TLL2: variants seen among roughly 807,000 people sequenced by gnomAD.
TLL2 encodes the protein tolloid-like protein 2.
TLL2 carries 106 observed loss-of-function variants against 123.0 expected under a neutral mutation model. The observed-to-expected ratio is 0.86, with a 90% CI of 0.74 to 1.01. The LOEUF (loss-of-function observed/expected upper bound fraction) is 1.01. Among genes scored for constraint, TLL2 ranks in the 50% least tolerant of loss-of-function variants. The probability of loss-of-function intolerance (pLI) is 0.00; values close to 1 mark genes in which losing one functional copy is unlikely to be tolerated. For synonymous variants in TLL2, 494 were observed against 516.8 expected (o/e 0.96, Z 0.60); for missense variants, 1,332 against 1,336.7 (o/e 1.00, Z 0.06).
intron 2 of TLL2, among the ~76,000 whole-genome samples, chr10:96,473,099 C>T (rs1847201320): frequency 6.6e-6 from 1 of 152,072 alleles, no homozygotes; most frequent in South Asian, 2.1e-4. Context: ...TAATGTGTGC[C>T]ACTCAAAGTC....
intron 2 of TLL2, among the ~76,000 whole-genome samples, chr10:96,477,350 T>C (rs1042457182): frequency 1.4e-4 from 11 of 78,632 alleles, no homozygotes; most frequent in Admixed American, 3.5e-4. Flanking sequence ...ATTTTAATTT[T>C]AATTTTTTTT....
chr10:96,496,949 T>G (rs1847482410), intron 1 of TLL2, among the ~76,000 whole-genome samples: 1 of 152,116 alleles, frequency 6.6e-6, no homozygotes, highest in African/African-American at 2.4e-5. Context: ...GGGGGTTGCC[T>G]GTGCCACACA....
chr10:96,364,637 G>T lies in TLL2; in HGVS notation c.*3451C>A, dbSNP rs7073904. ...TCCACATTCTTTAATGAAACCATCCGTTCTAGGTAGAGACATATGTTAGGT... is the reference window on the plus strand; with the variant it reads ...TCCACATTCTTTAATGAAACCATCCTTTCTAGGTAGAGACATATGTTAGGT... On this transcript the variant is annotated 3_prime_UTR_variant, in exon 21 of 21. Coordinates refer to ENST00000357947, the MANE Select transcript of TLL2 (RefSeq NM_012465.4). The T allele has an allele frequency of 0.99, 150,713 of 152,788 alleles. 74,360 individuals carry two copies. Among genetic ancestry groups the T allele is most frequent in the Middle Eastern group, 1 (294 of 294 alleles). 9.5% of individuals were successfully genotyped at this position (152,788 alleles called of 1,614,324 possible).
chr10:96,494,392 G>A (rs1224504231), intron 1 of TLL2, among the ~76,000 whole-genome samples: 1 of 152,234 alleles, frequency 6.6e-6, no homozygotes, highest in Non-Finnish European at 1.5e-5. Context: ...CAGGCCCAGG[G>A]CAGCCCCCTG....
intron 1 of TLL2, among the ~76,000 whole-genome samples, chr10:96,512,016 C>T (rs1301560520): frequency 6.6e-6 from 1 of 152,210 alleles, no homozygotes; most frequent in Non-Finnish European, 1.5e-5. Context: ...GGCATGCTAC[C>T]TGCTGAGGTT....
intron 17 of TLL2, among the ~76,000 whole-genome samples, chr10:96,378,761 C>T (rs1250986920): frequency 6.6e-6 from 1 of 152,224 alleles, no homozygotes. Flanking sequence ...AAATAACAGC[C>T]TAGAGCACCT....
chr10:96,387,276 C>T (rs188154421), intron 13 of TLL2, among the ~76,000 whole-genome samples, 198 bp from the exon 14 acceptor site: 5 of 152,324 alleles, frequency 3.3e-5, no homozygotes, highest in African/African-American at 7.2e-5. Context: ...ACTGACAACA[C>T]GAGCAGGAAC....
At chr10:96,411,104 G>C (rs1846500830) in intron 8 of TLL2, among the ~76,000 whole-genome samples, 1 of 151,664 alleles carries the variant, frequency 6.6e-6, no homozygotes, top group African/African-American at 2.4e-5. Flanking sequence ...TAGCTGGGTG[G>C]TAGTGGCGTG....
chr10:96,368,658 C>T (rs924314149), intron 20 of TLL2, among the ~76,000 whole-genome samples: 2 of 152,184 alleles, frequency 1.3e-5, no homozygotes, highest in Non-Finnish European at 2.9e-5. Context: ...TCACCGAGCT[C>T]CAGGGTCACC....
chr10:96,386,958 C>A lies in TLL2; in HGVS notation c.1847G>T (p.Cys616Phe). 6.2e-7 allele frequency: 1 copy of A among 1,614,170 alleles called. No individual in the cohort carries two copies. The highest frequency in any genetic ancestry group is 1.1e-5 in the South Asian group (1 of 91,084). ...GYELAADKKM[C>F]EVACGGFITK... ...TTGGCAGGTCCCACACCAACCTTCACACATCTTCTTATCGGCGGCCAGCTC... is the reference window on the plus strand; with the variant it reads ...TTGGCAGGTCCCACACCAACCTTCAAACATCTTCTTATCGGCGGCCAGCTC... The change falls in exon 14 of 21, where the codon TGT becomes TTT. Residue 616 changes from cysteine (C) to phenylalanine (F), a missense_variant. Cys to Phe is a radical substitution (Grantham distance 205, BLOSUM62 -2). Transcript: ENST00000357947.
intron 2 of TLL2, among the ~76,000 whole-genome samples, chr10:96,474,770 C>T (rs1474969592): frequency 6.6e-6 from 1 of 152,206 alleles, no homozygotes; most frequent in Admixed American, 6.5e-5. Context: ...ACTCTATTCT[C>T]TCACAATCCT....
At chr10:96,420,426 G>A (rs1171411432) in intron 7 of TLL2, among the ~76,000 whole-genome samples, 1 of 152,230 alleles carries the variant, frequency 6.6e-6, no homozygotes, top group East Asian at 1.9e-4. Flanking sequence ...TCCATCATCT[G>A]TGACCTGCAG....
chr10:96,452,947 G>A (rs1846975393), intron 2 of TLL2, among the ~76,000 whole-genome samples: 1 of 152,204 alleles, frequency 6.6e-6, no homozygotes. Flanking sequence ...GTGATTCAAT[G>A]CCAAGTAACT....
Position 96,367,854 on chromosome 10 carries a change from A to G in TLL2, c.*234T>C, listed in dbSNP as rs944479767. On this transcript the variant is annotated 3_prime_UTR_variant, in exon 21 of 21. Transcript: ENST00000357947. ...CAATCCTAATCTTTAACACTTTAAC[A>G]GTTCATGAATGATAACATTGCAGAC... The G allele has an allele frequency of 1.0e-5, 5 of 494,490 alleles. No individual in the cohort carries two copies. 30.6% of individuals were successfully genotyped at this position (494,490 alleles called of 1,614,324 possible).
intron 10 of TLL2, among the ~76,000 whole-genome samples, chr10:96,398,868 CTTTTTT>C (rs3033618): frequency 1.9e-5 from 2 of 107,746 alleles, no homozygotes; most frequent in African/African-American, 7.6e-5. Flanking sequence ...TGAAAATATT[CTTTTTT>C]TTTTTTTTTT....
chr10:96,422,692 G>A lies in TLL2; in HGVS notation c.674C>T (p.Pro225Leu), dbSNP rs1279907413. 1.2e-5 allele frequency: 19 copies of A among 1,614,068 alleles called. No individual in the cohort carries two copies. The highest frequency in any genetic ancestry group is 1.6e-5 in the Non-Finnish European group (19 of 1,180,034). Residue 225 changes from proline (P) to leucine (L), a missense_variant, in exon 6 of 21, where the codon CCA becomes CTA. By Grantham distance (98) the Pro-to-Leu change is moderately conservative. Transcript: ENST00000357947. ...CSYVGRRGGG[P>L]QAISIGKNCD... ...GTTCTTCCCAATGGATATGGCCTGTGGGCCTCCTCCTCGGCGCCCAACATA... is the reference window on the plus strand; with the variant it reads ...GTTCTTCCCAATGGATATGGCCTGTAGGCCTCCTCCTCGGCGCCCAACATA...
chr10:96,376,493 G>T (rs3762096), intron 18 of TLL2, among the ~76,000 whole-genome samples, 199 bp downstream of exon 18: 4 of 152,126 alleles, frequency 2.6e-5, no homozygotes, highest in African/African-American at 4.8e-5. Flanking sequence ...GCTTTTGTGC[G>T]TTGTCTCTTT....
At chr10:96,447,888 C>T (rs777398370) in intron 2 of TLL2, among the ~76,000 whole-genome samples, 30 of 152,052 alleles carry the variant, frequency 2.0e-4, no homozygotes, top group Non-Finnish European at 3.4e-4. Flanking sequence ...GCTAAGGGCT[C>T]GGGACACAGT....
rs771016974 is a variant in TLL2 at position 96,395,267 on chromosome 10, G to A, written c.1646C>T (p.Ser549Leu). The A allele has an allele frequency of 3.7e-6, 6 of 1,613,972 alleles. No homozygotes were observed. Among genetic ancestry groups the A allele is most frequent in the Admixed American group, 1.7e-5 (1 of 60,010 alleles). ...CTTCATCCACAGTCTGTTGGAGCTCGATTTCACATCCTCCGGCTTCTCATA... is the reference window on the plus strand; with the variant it reads ...CTTCATCCACAGTCTGTTGGAGCTCAATTTCACATCCTCCGGCTTCTCATA... ...CGYEKPEDVK[S>L]SSNRLWMKFV... The change falls in exon 13 of 21, where the codon TCG becomes TTG. Residue 549 changes from serine to leucine, a missense_variant. By Grantham distance (145) the Ser-to-Leu change is moderately radical. Coordinates refer to ENST00000357947, the MANE Select transcript of TLL2 (RefSeq NM_012465.4).
Sources: allele counts gnomAD v4.1 joint callset (sites outside exome capture counted in the v4.1 genomes callset), GRCh38; gene constraint gnomAD v4.1.1; transcripts MANE v1.5; gene names NCBI Gene and HGNC (gene_info 2026-07-23, HGNC 2026-07-21).